Variants in STON2 observed in about 807,000 individuals in gnomAD.
STON2 encodes stonin 2, also known as stonin-2.
STON2 carries 29 observed loss-of-function variants against 65.7 expected under a neutral mutation model. The observed-to-expected ratio is 0.44, with a 90% CI of 0.33 to 0.60. The LOEUF (loss-of-function observed/expected upper bound fraction) is 0.60. STON2 is among the 20% of genes least tolerant of loss of function. The pLI, the probability that STON2 is intolerant of heterozygous loss-of-function variation, is 0.03. For missense variants in STON2, 1,054 were observed against 1,118.1 expected, an observed-to-expected ratio of 0.94 and a Z score of 0.82; for synonymous variants, 404 against 414.2, an observed-to-expected ratio of 0.98 and a Z score of 0.30.
chr14:81,291,491 T>A (rs535346825), intron 5 of STON2, among the ~76,000 whole-genome samples: 1 of 152,190 alleles, frequency 6.6e-6, no homozygotes, highest in African/African-American at 2.4e-5. Context: ...GTCCCCAAAG[T>A]GGAACAGTAG....
At chr14:81,408,650 C>T (rs2139850001) in intron 2 of STON2, among the ~76,000 whole-genome samples, 1 of 150,772 alleles carries the variant, frequency 6.6e-6, no homozygotes, top group East Asian at 2.0e-4. Flanking sequence ...ACAAAATACT[C>T]TACTGTGTGA....
chr14:81,421,142 C>T (rs1373539034), intron 2 of STON2, among the ~76,000 whole-genome samples: 2 of 152,148 alleles, frequency 1.3e-5, no homozygotes, highest in East Asian at 3.9e-4. Flanking sequence ...TTTTGTTACC[C>T]GACTTGGAAT....
intron 5 of STON2, among the ~76,000 whole-genome samples, chr14:81,322,497 G>A (rs1216932771): frequency 6.6e-6 from 1 of 152,092 alleles, no homozygotes; most frequent in Non-Finnish European, 1.5e-5. Flanking sequence ...CTGGCTGATG[G>A]GGCTGCAAGC....
intron 5 of STON2, among the ~76,000 whole-genome samples, chr14:81,303,094 TAATG>T (rs1896035070): frequency 6.7e-6 from 1 of 149,466 alleles, no homozygotes; most frequent in Non-Finnish European, 1.5e-5. Flanking sequence ...GTAAAAGAGA[TAATG>T]AATACAAATG....
intron 4 of STON2, among the ~76,000 whole-genome samples, chr14:81,354,539 A>G (rs1595386579): frequency 6.6e-6 from 1 of 152,250 alleles, no homozygotes; most frequent in Non-Finnish European, 1.5e-5. Context: ...AGGGGGATCT[A>G]TGAAATGACA....
intron 3 of STON2, among the ~76,000 whole-genome samples, chr14:81,374,171 C>T (rs886540375): frequency 6.0e-5 from 9 of 151,108 alleles, no homozygotes; most frequent in Non-Finnish European, 1.0e-4. Context: ...CCACCATGCC[C>T]GGCCGATTTT....
In STON2 at chr14:81,298,003, C is replaced by T. The variant is rs1227526141; in HGVS notation, c.743-19264G>A. Reference sequence around the variant, plus strand: ...GGTGAGCCAAGATGGCGCCATTGCACTCCAGCCTGGGCAACAAGAGCAAAA... The same window carrying T: ...GGTGAGCCAAGATGGCGCCATTGCATTCCAGCCTGGGCAACAAGAGCAAAA... On this transcript the variant is annotated intron_variant, in intron 5 of 7. Coordinates refer to ENST00000614646, the MANE Select transcript of STON2 (RefSeq NM_001394390.1). 4.6e-5 allele frequency among the ~76,000 whole-genome samples: 7 copies of T among 152,200 alleles called. No individual in the cohort carries two copies. In the East Asian group the frequency reaches 1.2e-3, roughly 25 times the overall value.
At chr14:81,391,992 A>G (rs1900101080) in intron 3 of STON2, among the ~76,000 whole-genome samples, 1 of 152,230 alleles carries the variant, frequency 6.6e-6, no homozygotes, top group African/African-American at 2.4e-5. Flanking sequence ...TAATACATCT[A>G]AAATTCTTAG....
At chr14:81,342,929 G>A (rs1315729834) in intron 4 of STON2, among the ~76,000 whole-genome samples, 1 of 152,174 alleles carries the variant, frequency 6.6e-6, no homozygotes, top group Non-Finnish European at 1.5e-5. Flanking sequence ...ACTTCCACCT[G>A]CTTTCCACTG....
intron 2 of STON2, among the ~76,000 whole-genome samples, chr14:81,416,745 T>C (rs528482020): frequency 1.4e-4 from 21 of 152,334 alleles, no homozygotes; most frequent in Admixed American, 1.1e-3. Context: ...ACCAAAGCTA[T>C]GACCAACCTC....
chr14:81,335,600 G>A (rs747370468), intron 4 of STON2, among the ~76,000 whole-genome samples: 1 of 152,194 alleles, frequency 6.6e-6, no homozygotes. Flanking sequence ...AAGGGAGACA[G>A]AGGAAAGAGC....
chr14:81,377,128 C>T lies in STON2; in HGVS notation c.374-5943G>A, dbSNP rs772604897. 2.6e-5 allele frequency among the ~76,000 whole-genome samples: 4 copies of T among 152,172 alleles called. No homozygotes were observed. The South Asian group carries it at 8.3e-4, about 32-fold the overall frequency. The stretch of plus-strand genomic sequence containing the variant: ...CACTGCAAGGATCTTTCCTGCTGCA[C>T]TTTCATAAGCATGCCCATTTCCCTC... On this transcript the variant is annotated intron_variant, in intron 3 of 7. Transcript: ENST00000614646.
intron 5 of STON2, among the ~76,000 whole-genome samples, chr14:81,305,695 A>T (rs1896145482): frequency 1.3e-5 from 2 of 152,102 alleles, no homozygotes; most frequent in African/African-American, 4.8e-5. Flanking sequence ...TGCTTAATAG[A>T]CATTCTTAAT....
intron 5 of STON2, among the ~76,000 whole-genome samples, chr14:81,307,437 G>A (rs1481590503): frequency 1.3e-5 from 2 of 152,136 alleles, no homozygotes; most frequent in African/African-American, 4.8e-5. Context: ...TTTTAAAAAA[G>A]GGACAATACA....
chr14:81,383,131 G>A (rs1373127105), intron 3 of STON2, among the ~76,000 whole-genome samples: 1 of 152,200 alleles, frequency 6.6e-6, no homozygotes, highest in Non-Finnish European at 1.5e-5. Context: ...AAGGAATAAA[G>A]TGAAGGAAAG....
chr14:81,281,413 T>G (rs2140131951), intron 5 of STON2, among the ~76,000 whole-genome samples: 1 of 152,320 alleles, frequency 6.6e-6, no homozygotes, highest in Non-Finnish European at 1.5e-5. Flanking sequence ...ATCTCAAAAC[T>G]CATCAACTTC....
At chr14:81,325,605 G>A (rs1387000044) in intron 4 of STON2, among the ~76,000 whole-genome samples, 3 of 152,060 alleles carry the variant, frequency 2.0e-5, no homozygotes, top group African/African-American at 4.8e-5. Flanking sequence ...GTTCAGAAAT[G>A]TTTATGTATA....
Position 81,267,616 on chromosome 14 carries a change from G to C in STON2, c.*798C>G. The C allele has an allele frequency of 3.0e-6, 3 of 985,320 alleles. No homozygotes were observed. Among genetic ancestry groups the C allele is most frequent in the Non-Finnish European group, 3.6e-6 (3 of 829,886 alleles). The allele number at this position is 985,320 out of a possible 1,614,324, so 61.0% of individuals were successfully genotyped here. A position where few individuals can be genotyped will look rare whatever the true frequency, so the allele number is the denominator to read the frequency against. The stretch of plus-strand genomic sequence containing the variant: ...TGAGATTGAATCTACCTCTTGAACT[G>C]AACATCATCTTATATTTAATGTCTC... On this transcript the variant is annotated 3_prime_UTR_variant, in exon 8 of 8. Coordinates refer to ENST00000614646, the MANE Select transcript of STON2 (RefSeq NM_001394390.1).
At position 81,265,436 on chromosome 14, in the gene STON2, C is replaced by T; in HGVS notation, c.*2978G>A. The T allele has an allele frequency of 1.3e-6, 1 of 767,928 alleles. No individual in the cohort carries two copies. The highest frequency in any genetic ancestry group is 1.9e-5 in the African/African-American group (1 of 52,868). 47.6% of individuals were successfully genotyped at this position (767,928 alleles called of 1,614,324 possible). On this transcript the variant is annotated 3_prime_UTR_variant, in exon 8 of 8. Coordinates refer to ENST00000614646, the MANE Select transcript of STON2 (RefSeq NM_001394390.1). ...TTGGGAGACTGAGGCAGGCTTATCA[C>T]CTGAGGTCAGACATTCGAGACCAGC...
Sources: allele counts gnomAD v4.1 joint callset (sites outside exome capture counted in the v4.1 genomes callset), GRCh38; gene constraint gnomAD v4.1.1; transcripts MANE v1.5; gene names NCBI Gene and HGNC (gene_info 2026-07-23, HGNC 2026-07-21).